The following SCD5 variants were observed in gnomAD, a reference collection of about 807,000 sequenced individuals.
The protein encoded by SCD5 is acyl-CoA-desaturase 4.
Under a neutral mutation model 30.4 loss-of-function variants are expected in SCD5, and 20 were observed. The ratio of observed to expected loss-of-function variants is 0.66; its 90% CI spans 0.46 to 0.96. SCD5 has a LOEUF of 0.96. Among genes scored for constraint, SCD5 ranks in the 40% least tolerant of loss-of-function variants. The probability of loss-of-function intolerance (pLI) is 0.00; values close to 1 mark genes in which losing one functional copy is unlikely to be tolerated. For synonymous variants in SCD5, 173 were observed against 176.4 expected, an observed-to-expected ratio of 0.98 and a Z score of 0.16; for missense variants, 381 against 443.3, an observed-to-expected ratio of 0.86 and a Z score of 1.26.
intron 2 of SCD5, among the ~76,000 whole-genome samples, chr4:82,694,241 C>G (rs72916843): frequency 1.3e-5 from 2 of 152,206 alleles, no homozygotes; most frequent in Non-Finnish European, 2.9e-5. Context: ...AAGCCCACAC[C>G]GTGCTTAGCA....
At chr4:82,751,289 G>A (rs1428637057) in intron 1 of SCD5, among the ~76,000 whole-genome samples, 1 of 151,728 alleles carries the variant, frequency 6.6e-6, no homozygotes, top group Non-Finnish European at 1.5e-5. Flanking sequence ...TCTAACTCCT[G>A]GCCTCAAGCA....
chr4:82,789,786 C>T (rs1033154405), intron 1 of SCD5, among the ~76,000 whole-genome samples: 2 of 152,060 alleles, frequency 1.3e-5, no homozygotes, highest in African/African-American at 4.8e-5. Flanking sequence ...TCGTGGGAAT[C>T]AGCTGCTAAA....
chr4:82,719,440 T>C (rs1720308839), intron 1 of SCD5, among the ~76,000 whole-genome samples: 1 of 151,606 alleles, frequency 6.6e-6, no homozygotes, highest in South Asian at 2.1e-4. Context: ...TAGTAATAAG[T>C]ACATAATCAT....
At chr4:82,791,055 C>T (rs1367415663) in intron 1 of SCD5, among the ~76,000 whole-genome samples, 8 of 151,952 alleles carry the variant, frequency 5.3e-5, no homozygotes, top group African/African-American at 9.7e-5. Flanking sequence ...CTGGCCAACA[C>T]GGTGAAACCC....
intron 1 of SCD5, among the ~76,000 whole-genome samples, chr4:82,763,086 A>G (rs1408543056): frequency 1.3e-5 from 2 of 152,208 alleles, no homozygotes; most frequent in Non-Finnish European, 2.9e-5. Flanking sequence ...GTTCCTGGGG[A>G]GGACAGCTGT....
intron 1 of SCD5, among the ~76,000 whole-genome samples, chr4:82,769,082 C>A (rs1230321881): frequency 6.6e-6 from 1 of 152,080 alleles, no homozygotes; most frequent in Non-Finnish European, 1.5e-5. Context: ...AACTCACCAT[C>A]TCCCACTCTG....
chr4:82,714,547 G>A (rs1720183127), intron 1 of SCD5, among the ~76,000 whole-genome samples: 1 of 152,130 alleles, frequency 6.6e-6, no homozygotes, highest in African/African-American at 2.4e-5. Context: ...AGGTGTGAAG[G>A]CTGTGTGTGT....
At chr4:82,719,026 C>T (rs1022426644) in intron 1 of SCD5, among the ~76,000 whole-genome samples, 14 of 151,754 alleles carry the variant, frequency 9.2e-5, no homozygotes, top group African/African-American at 3.2e-4. Context: ...TTTCAGGGGG[C>T]TCGCTGCTAG....
In SCD5 at chr4:82,664,444, G is replaced by C. The variant is rs1578011408; in HGVS notation, c.569+16263C>G. Among the ~76,000 whole-genome samples the C allele has an allele frequency of 6.9e-3, 5 of 724 alleles. No individual in the cohort carries two copies. The South Asian group carries it at 0.23, about 33-fold the overall frequency. The allele number at this position is 724 out of a possible 152,430, so 0.5% of individuals were successfully genotyped here. A position where few individuals can be genotyped will look rare whatever the true frequency, so the allele number is the denominator to read the frequency against. ...AAATTGAGTCACACAAAAGTGCAAG[G>C]GGGGGGGAACAAAAATCATTGTCCA... On this transcript the variant is annotated intron_variant, in intron 3 of 4. Coordinates refer to ENST00000319540, the MANE Select transcript of SCD5 (RefSeq NM_001037582.3).
At chr4:82,796,815 G>C (rs6825798) in intron 1 of SCD5, among the ~76,000 whole-genome samples, 10,696 of 152,200 alleles carry the variant, frequency 0.07, 886 homozygotes, top group African/African-American at 0.2. Context: ...GGAGTGTGTT[G>C]ATGAAGCAAC....
intron 3 of SCD5, among the ~76,000 whole-genome samples, chr4:82,673,698 A>G (rs1258140175): frequency 6.6e-6 from 1 of 152,180 alleles, no homozygotes; most frequent in Non-Finnish European, 1.5e-5. Context: ...AATAGCCAAC[A>G]CAATATTGAA....
intron 1 of SCD5, among the ~76,000 whole-genome samples, chr4:82,730,635 G>A (rs1720618821): frequency 7.0e-6 from 1 of 143,042 alleles, no homozygotes; most frequent in Admixed American, 7.2e-5. Flanking sequence ...GCCCAGGCTG[G>A]AGTGCAGTGG....
At chr4:82,634,100 C>A (rs980435006) in intron 4 of SCD5, among the ~76,000 whole-genome samples, 3 of 152,148 alleles carry the variant, frequency 2.0e-5, no homozygotes, top group African/African-American at 7.2e-5. Flanking sequence ...CTTTTTATTG[C>A]CAAACGGTAT....
At chr4:82,739,310 C>T (rs1275112747) in intron 1 of SCD5, among the ~76,000 whole-genome samples, 1 of 152,214 alleles carries the variant, frequency 6.6e-6, no homozygotes, top group Admixed American at 6.5e-5. Flanking sequence ...ATTTTAGCTC[C>T]ATTTCCACCA....
chr4:82,650,862 A>G (rs2135500), intron 3 of SCD5, among the ~76,000 whole-genome samples: 113,992 of 151,164 alleles, frequency 0.75, 43,934 homozygotes, highest in East Asian at 0.99. Flanking sequence ...AAATATATGC[A>G]TATTTGTTAA....
intron 1 of SCD5, among the ~76,000 whole-genome samples, chr4:82,730,308 T>C (rs1720605647): frequency 6.7e-6 from 1 of 148,464 alleles, no homozygotes; most frequent in Non-Finnish European, 1.5e-5. Flanking sequence ...ATAATATATA[T>C]ATTTTTTGAG....
rs143353007 is a variant in SCD5, at chr4:82,668,760, C to A, written c.569+11947G>T. Among the ~76,000 whole-genome samples, 463 of 152,246 alleles carry A rather than the reference C, an allele frequency of 3.0e-3. 5 individuals carry two copies. Among genetic ancestry groups the A allele is most frequent in the African/African-American group, 0.011 (440 of 41,552 alleles). ...TTACCTGAGTAAAATAGGCAATCACCAAACCCAGGGTAATTGAGTAGTAAG... is the reference window on the plus strand; with the variant it reads ...TTACCTGAGTAAAATAGGCAATCACAAAACCCAGGGTAATTGAGTAGTAAG... On this transcript the variant is annotated intron_variant, in intron 3 of 4. Transcript: ENST00000319540.
At chr4:82,713,126 A>G (rs1720146221) in intron 1 of SCD5, among the ~76,000 whole-genome samples, 1 of 152,216 alleles carries the variant, frequency 6.6e-6, no homozygotes, top group African/African-American at 2.4e-5. Context: ...CTCATCCCAC[A>G]GCATGAATCT....
chr4:82,781,382 C>T (rs1258221591), intron 1 of SCD5, among the ~76,000 whole-genome samples: 1 of 151,208 alleles, frequency 6.6e-6, no homozygotes, highest in Non-Finnish European at 1.5e-5. Flanking sequence ...CGCCACTGCA[C>T]TCTAGCCTGG....
Sources: allele counts gnomAD v4.1 joint callset (sites outside exome capture counted in the v4.1 genomes callset), GRCh38; gene constraint gnomAD v4.1.1; transcripts MANE v1.5; gene names NCBI Gene and HGNC (gene_info 2026-07-23, HGNC 2026-07-21).